KIAA0825: variants seen among roughly 807,000 people sequenced by gnomAD.
KIAA0825 encodes KIAA0825.
Under a neutral mutation model 147.6 loss-of-function variants are expected in KIAA0825, and 119 were observed. The ratio of observed to expected loss-of-function variants is 0.81; its 90% CI spans 0.69 to 0.94. KIAA0825 has a LOEUF of 0.94. Ranked by LOEUF, KIAA0825 falls within the 40% of genes least tolerant of loss-of-function variation. The pLI is 0.00. For missense variants in KIAA0825, 1,381 were observed against 1,472.7 expected (o/e 0.94, Z 1.02); for synonymous variants, 470 against 518.1 (o/e 0.91, Z 1.26).
chr5:94,162,294 G>A (rs1479560535), intron 20 of KIAA0825, among the ~76,000 whole-genome samples: 1 of 152,096 alleles, frequency 6.6e-6, no homozygotes, highest in Non-Finnish European at 1.5e-5. Flanking sequence ...AATTCAGAAA[G>A]TATTTGGTTA....
chr5:94,573,119 T>TG (rs1410819400), intron 2 of KIAA0825, among the ~76,000 whole-genome samples: 1 of 19,178 alleles, frequency 5.2e-5, no homozygotes. Context: ...ACTCAAAGCT[T>TG]GGGGGGGTTG....
At chr5:94,409,476 T>C (rs139297157) in intron 15 of KIAA0825, among the ~76,000 whole-genome samples, 1 of 152,246 alleles carries the variant, frequency 6.6e-6, no homozygotes, top group African/African-American at 2.4e-5. Flanking sequence ...CAGAGGAGGA[T>C]GAGGCAGCTG....
chr5:94,352,472 G>C (rs1584222858), intron 20 of KIAA0825, among the ~76,000 whole-genome samples: 1 of 152,192 alleles, frequency 6.6e-6, no homozygotes, highest in East Asian at 1.9e-4. Flanking sequence ...CTGCTGGTGG[G>C]AATGTAAACT....
At chr5:94,554,716 C>CTATATATATA (rs70978114) in intron 2 of KIAA0825, among the ~76,000 whole-genome samples, 17 of 67,094 alleles carry the variant, frequency 2.5e-4, no homozygotes, top group African/African-American at 3.1e-4. Flanking sequence ...GTTCTGTGTA[C>CTATATATATA]TATATATATA....
chr5:94,177,673 G>C (rs902794239), intron 20 of KIAA0825, among the ~76,000 whole-genome samples: 1 of 152,026 alleles, frequency 6.6e-6, no homozygotes. Context: ...GAATGGCTGC[G>C]TATTATAATT....
chr5:94,396,855 G>T (rs1054650896), intron 16 of KIAA0825, among the ~76,000 whole-genome samples: 2 of 151,930 alleles, frequency 1.3e-5, no homozygotes, highest in Admixed American at 6.6e-5. Flanking sequence ...TGGTACTTCT[G>T]ACTCCCCCTT....
chr5:94,564,875 ATCTT>A (rs1273953243), intron 2 of KIAA0825, among the ~76,000 whole-genome samples: 1 of 151,624 alleles, frequency 6.6e-6, no homozygotes, highest in Non-Finnish European at 1.5e-5. Flanking sequence ...AGTTTTCTAA[ATCTT>A]TCTTTTATTT....
At chr5:94,489,570 T>C (rs1267099078) in intron 5 of KIAA0825, among the ~76,000 whole-genome samples, 1 of 119,454 alleles carries the variant, frequency 8.4e-6, no homozygotes, top group Admixed American at 8.7e-5. Flanking sequence ...ACCAGTGACT[T>C]AAAAAAAAAA....
chr5:94,312,645 C>T (rs911477398), intron 20 of KIAA0825, among the ~76,000 whole-genome samples: 4 of 151,684 alleles, frequency 2.6e-5, no homozygotes, highest in Non-Finnish European at 4.4e-5. Context: ...TTACAGTCAT[C>T]GGCATGTTTT....
At chr5:94,603,444 A>G (rs1045341834) in intron 1 of KIAA0825, among the ~76,000 whole-genome samples, 1 of 152,236 alleles carries the variant, frequency 6.6e-6, no homozygotes, top group Non-Finnish European at 1.5e-5. Context: ...GTAAAAAGGA[A>G]AAAATACTAC....
At chr5:94,225,011 T>G (rs1583904258) in intron 20 of KIAA0825, among the ~76,000 whole-genome samples, 1 of 152,198 alleles carries the variant, frequency 6.6e-6, no homozygotes, top group Non-Finnish European at 1.5e-5. Context: ...GAGACCAAAC[T>G]GTCCCTCCTA....
Position 94,593,601 on chromosome 5 carries a change from G to A in KIAA0825, c.-152-11018C>T, listed in dbSNP as rs113833645. The A allele has an allele frequency of 8.0e-4, 414 of 519,134 alleles. 3 individuals are homozygous for A. Among genetic ancestry groups the A allele is most frequent in the African/African-American group, 7.4e-3 (388 of 52,660 alleles). 32.2% of individuals were successfully genotyped at this position (519,134 alleles called of 1,614,324 possible). A position where few individuals can be genotyped will look rare whatever the true frequency, so the allele number is the denominator to read the frequency against. Reference sequence around the variant, plus strand: ...AACTTAAATCAACTATGTTATTGATGTCAGAGGAGCTAACCAACGAGTAAG... The same window carrying A: ...AACTTAAATCAACTATGTTATTGATATCAGAGGAGCTAACCAACGAGTAAG... On this transcript the variant is annotated intron_variant, in intron 1 of 20. Coordinates refer to ENST00000682413, the MANE Select transcript of KIAA0825 (RefSeq NM_001145678.3).
intron 20 of KIAA0825, among the ~76,000 whole-genome samples, chr5:94,339,349 G>A (rs113168895): frequency 7.5e-4 from 114 of 152,190 alleles, no homozygotes; most frequent in African/African-American, 2.6e-3. Flanking sequence ...AAAAATTGTA[G>A]ATAGATTTTT....
At chr5:94,237,075 GTGTC>G in intron 20 of KIAA0825, among the ~76,000 whole-genome samples, 1 of 150,850 alleles carries the variant, frequency 6.6e-6, no homozygotes, top group Non-Finnish European at 1.5e-5. Context: ...GTGTGTGTCT[GTGTC>G]TGTGTGTGTA....
chr5:94,154,229 G>A, intron 20 of KIAA0825, 105 bp from the exon 21 acceptor site: 3 of 722,906 alleles, frequency 4.1e-6, no homozygotes, highest in South Asian at 3.3e-5. Flanking sequence ...TGAGTCATCT[G>A]TCTCTCCCTG....
intron 20 of KIAA0825, among the ~76,000 whole-genome samples, chr5:94,286,317 T>C (rs964494867): frequency 6.6e-6 from 1 of 152,160 alleles, no homozygotes; most frequent in Non-Finnish European, 1.5e-5. Context: ...CCAATAAGCC[T>C]TCACTGATTG....
At chr5:94,531,054 TTCTCTATTG>T (rs1345907710) in intron 3 of KIAA0825, among the ~76,000 whole-genome samples, 1 of 152,160 alleles carries the variant, frequency 6.6e-6, no homozygotes, top group Non-Finnish European at 1.5e-5. Context: ...CAAACAACAA[TTCTCTATTG>T]TCTTATGCTT....
At chr5:94,520,125 A>G (rs1767883826) in intron 5 of KIAA0825, 123 bp downstream of exon 5, 1 of 1,248,672 alleles carries the variant, frequency 8.0e-7, no homozygotes, top group Admixed American at 3.5e-5. Flanking sequence ...GCAAAATTTC[A>G]TTACATTCAT....
chr5:94,490,773 C>T (rs1184523716), intron 5 of KIAA0825, among the ~76,000 whole-genome samples: 1 of 152,074 alleles, frequency 6.6e-6, no homozygotes, highest in Admixed American at 6.5e-5. Context: ...ATATAGACTA[C>T]AGATTATACA....
Sources: allele counts gnomAD v4.1 joint callset (sites outside exome capture counted in the v4.1 genomes callset), GRCh38; gene constraint gnomAD v4.1.1; transcripts MANE v1.5; gene names NCBI Gene and HGNC (gene_info 2026-07-23, HGNC 2026-07-21).